SPON1: variants seen among roughly 807,000 people sequenced by gnomAD.
SPON1 encodes spondin-1.
Under a neutral mutation model 111.7 loss-of-function variants are expected in SPON1, and 52 were observed. That is an observed-to-expected ratio of 0.47 (90% CI 0.37 to 0.59). The LOEUF is 0.59. Ranked by LOEUF, SPON1 falls within the 20% of genes least tolerant of loss-of-function variation. The probability of loss-of-function intolerance (pLI) is 0.00; values close to 1 mark genes in which losing one functional copy is unlikely to be tolerated. For missense variants in SPON1, 957 were observed against 1,068.5 expected, an observed-to-expected ratio of 0.90 and a Z score of 1.46; for synonymous variants, 410 against 395.8, an observed-to-expected ratio of 1.04 and a Z score of -0.43.
At chr11:14,073,615 G>A (rs548387905) in intron 3 of SPON1, among the ~76,000 whole-genome samples, 84 of 152,256 alleles carry the variant, frequency 5.5e-4, no homozygotes, top group African/African-American at 2.0e-3. Flanking sequence ...TTTCAGGGGA[G>A]CCTTTCCCAG....
At position 14,083,703 on chromosome 11, in the gene SPON1, G is replaced by A. The variant is rs141248894; in HGVS notation, c.676+3682G>A. Among the ~76,000 whole-genome samples the A allele has an allele frequency of 3.4e-3, 521 of 152,314 alleles. 6 individuals carry two copies. The highest frequency in any genetic ancestry group is 0.012 in the African/African-American group (502 of 41,552). ...TATCACTACCAATCTCATCAGAAAA[G>A]TATTTAATATTGGAAAGCTATCAAG... On this transcript the variant is annotated intron_variant, in intron 5 of 15. Transcript: ENST00000576479.
chr11:14,134,824 C>T lies in SPON1; in HGVS notation c.677-596C>T, dbSNP rs147868657. On this transcript the variant is annotated intron_variant, in intron 5 of 15. Coordinates refer to ENST00000576479, the MANE Select transcript of SPON1 (RefSeq NM_006108.4). Reference sequence around the variant, plus strand: ...GTTCTCAGATCCTTTCAAATGACATCCAAACTCCTGAAGCATTTAGAGCAA... The same window carrying T: ...GTTCTCAGATCCTTTCAAATGACATTCAAACTCCTGAAGCATTTAGAGCAA... Among the ~76,000 whole-genome samples, 218 of 152,298 alleles carry T rather than the reference C, an allele frequency of 1.4e-3. 4 individuals are homozygous for T. The highest frequency in any genetic ancestry group is 5.1e-3 in the African/African-American group (212 of 41,576).
intron 6 of SPON1, among the ~76,000 whole-genome samples, chr11:14,198,766 C>A (rs1848429029): frequency 6.6e-6 from 1 of 152,234 alleles, no homozygotes; most frequent in African/African-American, 2.4e-5. Flanking sequence ...ATGACAACTA[C>A]ATGATGTAAC....
At chr11:14,045,627 T>TATATAA (rs1554917764) in intron 3 of SPON1, among the ~76,000 whole-genome samples, 1 of 147,930 alleles carries the variant, frequency 6.8e-6, no homozygotes, top group Admixed American at 6.8e-5. Flanking sequence ...TTTTAATATA[T>TATATAA]ATATTATATT....
chr11:14,109,515 G>T (rs914920571), intron 5 of SPON1, among the ~76,000 whole-genome samples: 1 of 152,056 alleles, frequency 6.6e-6, no homozygotes, highest in Non-Finnish European at 1.5e-5. Flanking sequence ...TTTAATTTGG[G>T]GAAAGAGAAT....
chr11:14,160,952 T>C (rs1197763033), intron 6 of SPON1, among the ~76,000 whole-genome samples: 1 of 31,424 alleles, frequency 3.2e-5, no homozygotes, highest in Non-Finnish European at 5.2e-5. Flanking sequence ...TATTTATATA[T>C]TTATATATAT....
intron 2 of SPON1, among the ~76,000 whole-genome samples, chr11:14,038,965 G>T (rs990862453): frequency 2.0e-5 from 3 of 152,182 alleles, no homozygotes; most frequent in Non-Finnish European, 4.4e-5. Context: ...TTCCGTAAGT[G>T]AGTGGATAAA....
intron 4 of SPON1, among the ~76,000 whole-genome samples, chr11:14,077,105 C>T (rs1554921558): frequency 1.3e-5 from 2 of 152,182 alleles, no homozygotes; most frequent in Non-Finnish European, 2.9e-5. Flanking sequence ...TTGTAAATGC[C>T]TTAGACAAGT....
chr11:14,087,653 T>G (rs1461897797), intron 5 of SPON1, among the ~76,000 whole-genome samples: 1 of 152,250 alleles, frequency 6.6e-6, no homozygotes, highest in Non-Finnish European at 1.5e-5. Flanking sequence ...TGTAGTTCTA[T>G]TAGGTCCACT....
chr11:14,101,020 G>T (rs1002954140), intron 5 of SPON1, among the ~76,000 whole-genome samples: 4 of 152,002 alleles, frequency 2.6e-5, no homozygotes, highest in Non-Finnish European at 5.9e-5. Context: ...TTTTGTTGTT[G>T]TTTTGTTTGG....
At chr11:14,215,612 C>T (rs1261627855) in intron 6 of SPON1, among the ~76,000 whole-genome samples, 1 of 152,150 alleles carries the variant, frequency 6.6e-6, no homozygotes, top group African/African-American at 2.4e-5. Flanking sequence ...AAAGCAGTCA[C>T]AAAGCCCCCC....
intron 6 of SPON1, among the ~76,000 whole-genome samples, chr11:14,212,431 T>G (rs1170273725): frequency 6.6e-6 from 1 of 152,168 alleles, no homozygotes; most frequent in Non-Finnish European, 1.5e-5. Flanking sequence ...TTTGTTCAGG[T>G]TTTCAGTCAG....
At chr11:14,190,776 G>C (rs1302232565) in intron 6 of SPON1, among the ~76,000 whole-genome samples, 1 of 151,514 alleles carries the variant, frequency 6.6e-6, no homozygotes, top group African/African-American at 2.4e-5. Context: ...GAGTAGCTAG[G>C]ATTAAAGGGG....
chr11:14,042,036 C>T lies in SPON1; in HGVS notation c.479+382C>T, dbSNP rs537949775. 3.5e-4 allele frequency among the ~76,000 whole-genome samples: 53 copies of T among 152,138 alleles called. No individual in the cohort carries two copies. In the South Asian group the frequency reaches 5.6e-3, roughly 16 times the overall value. On this transcript the variant is annotated intron_variant, in intron 3 of 15. Coordinates refer to ENST00000576479, the MANE Select transcript of SPON1 (RefSeq NM_006108.4). ...TCCTTAAACACTGCTTAGGCTGCCCCGAGACCCACATGTGACCTCCATTAG... is the reference window on the plus strand; with the variant it reads ...TCCTTAAACACTGCTTAGGCTGCCCTGAGACCCACATGTGACCTCCATTAG...
chr11:14,015,085 G>T (rs1554914172), intron 2 of SPON1, among the ~76,000 whole-genome samples: 1 of 152,180 alleles, frequency 6.6e-6, no homozygotes, highest in East Asian at 1.9e-4. Flanking sequence ...TCTCCCCATT[G>T]AGGTTTGGCT....
chr11:14,029,254 T>C (rs1848541075), intron 2 of SPON1, among the ~76,000 whole-genome samples: 1 of 152,134 alleles, frequency 6.6e-6, no homozygotes, highest in African/African-American at 2.4e-5. Flanking sequence ...GATACCAGTC[T>C]GTAAAGAGAA....
chr11:14,215,973 T>C (rs1848621767), intron 6 of SPON1, among the ~76,000 whole-genome samples: 1 of 152,208 alleles, frequency 6.6e-6, no homozygotes, highest in Admixed American at 6.6e-5. Context: ...TTGCATCACA[T>C]TGGCTAAATG....
intron 6 of SPON1, among the ~76,000 whole-genome samples, chr11:14,169,702 C>G (rs1205803113): frequency 1.3e-5 from 2 of 152,184 alleles, no homozygotes; most frequent in African/African-American, 4.8e-5. Flanking sequence ...CCAGTTTCAG[C>G]TTTCTACATA....
chr11:14,056,759 C>T (rs367652646), intron 3 of SPON1, among the ~76,000 whole-genome samples: 4 of 152,082 alleles, frequency 2.6e-5, no homozygotes, highest in East Asian at 1.9e-4. Flanking sequence ...GGCGTGGTGG[C>T]GGGCATCTGT....
Sources: allele counts gnomAD v4.1 joint callset (sites outside exome capture counted in the v4.1 genomes callset), GRCh38; gene constraint gnomAD v4.1.1; transcripts MANE v1.5; gene names NCBI Gene and HGNC (gene_info 2026-07-23, HGNC 2026-07-21).